The following CADM2 variants were observed in gnomAD, a reference collection of about 807,000 sequenced individuals.
CADM2 encodes cell adhesion molecule 2, also known as immunoglobulin superfamily member 4D.
CADM2 carries 12 observed loss-of-function variants against 49.8 expected under a neutral mutation model. The ratio of observed to expected loss-of-function variants is 0.24; its 90% CI spans 0.15 to 0.39. The LOEUF is 0.39. Ranked by LOEUF, CADM2 falls within the 10% of genes least tolerant of loss-of-function variation. The pLI is 1.00. For synonymous variants in CADM2, 214 were observed against 175.4 expected (o/e 1.22, Z -1.74); for missense variants, 378 against 492.3 (o/e 0.77, Z 2.20).
At chr3:86,020,458 A>C (rs1031719659) in intron 8 of CADM2, among the ~76,000 whole-genome samples, 6 of 152,182 alleles carry the variant, frequency 3.9e-5, no homozygotes, top group African/African-American at 1.4e-4. Flanking sequence ...ATCAATAGAA[A>C]AAGAGGGAAT....
intron 7 of CADM2, among the ~76,000 whole-genome samples, chr3:85,950,902 A>G (rs1159621019): frequency 1.3e-5 from 2 of 151,084 alleles, no homozygotes; most frequent in Non-Finnish European, 3.0e-5. Context: ...CAGCGTTTCA[A>G]TTTACAGTTT....
At chr3:85,569,363 C>T (rs1009761282) in intron 1 of CADM2, among the ~76,000 whole-genome samples, 5 of 149,280 alleles carry the variant, frequency 3.3e-5, no homozygotes, top group Non-Finnish European at 7.5e-5. Flanking sequence ...TGAAGGATAT[C>T]TGGTTTGTTT....
intron 1 of CADM2, among the ~76,000 whole-genome samples, chr3:85,721,855 C>A (rs2107769141): frequency 6.6e-6 from 1 of 152,340 alleles, no homozygotes; most frequent in Non-Finnish European, 1.5e-5. Flanking sequence ...TGTTACAGCT[C>A]TTTTAGCCTC....
chr3:85,350,836 G>T (rs2031268729), intron 1 of CADM2, among the ~76,000 whole-genome samples: 1 of 152,098 alleles, frequency 6.6e-6, no homozygotes, highest in Non-Finnish European at 1.5e-5. Context: ...AATTTTGAAA[G>T]ATGAAATTAT....
At chr3:86,038,945 A>AATAAACATTTAG (rs1735494390) in intron 8 of CADM2, among the ~76,000 whole-genome samples, 2 of 152,194 alleles carry the variant, frequency 1.3e-5, no homozygotes. Flanking sequence ...TCAGTCTTAG[A>AATAAACATTTAG]ATAAACATTT....
intron 8 of CADM2, among the ~76,000 whole-genome samples, chr3:86,021,632 T>C (rs2107047097): frequency 6.6e-6 from 1 of 152,322 alleles, no homozygotes; most frequent in African/African-American, 2.4e-5. Flanking sequence ...TATTGGATTA[T>C]TCTTTCTGTT....
chr3:84,988,582 T>A (rs2032715802), intron 1 of CADM2, among the ~76,000 whole-genome samples: 1 of 152,326 alleles, frequency 6.6e-6, no homozygotes, highest in African/African-American at 2.4e-5. Flanking sequence ...ATTATACAGC[T>A]TGTCTTGGGT....
chr3:85,624,123 A>G (rs1366741829), intron 1 of CADM2, among the ~76,000 whole-genome samples: 1 of 152,180 alleles, frequency 6.6e-6, no homozygotes, highest in Middle Eastern at 3.2e-3. Context: ...ATTAATTCAT[A>G]TAACCATATA....
At chr3:85,922,043 G>A (rs1049683868) in intron 6 of CADM2, among the ~76,000 whole-genome samples, 4 of 152,080 alleles carry the variant, frequency 2.6e-5, no homozygotes, top group Non-Finnish European at 5.9e-5. Context: ...AAGTTGGGTA[G>A]TGTCAGTCCT....
Position 85,809,783 on chromosome 3 carries a change from TCTC to T in CADM2, c.238+7588_238+7590del, listed in dbSNP as rs2072726325. ...CCCTCCCTCTCTCTCTCTCTCTCTC[TCTC>T]TCTCTCTTTCTTTCTTTCTTTCTTT... On this transcript the variant is annotated intron_variant, in intron 3 of 9. Transcript: ENST00000383699. Among the ~76,000 whole-genome samples the T allele has an allele frequency of 5.2e-5, 6 of 114,528 alleles. 2 individuals carry two copies. Among genetic ancestry groups the T allele is most frequent in the African/African-American group, 2.1e-4 (6 of 28,740 alleles). The allele number at this position is 114,528 out of a possible 152,430, so 75.1% of individuals were successfully genotyped here.
intron 8 of CADM2, chr3:86,014,148 G>A (rs1731906469): frequency 7.8e-7 from 1 of 1,285,152 alleles, no homozygotes; most frequent in Non-Finnish European, 1.1e-6. Flanking sequence ...TGAAATTTTG[G>A]TGGAACTCCT....
chr3:85,823,770 G>T (rs1390055235), intron 3 of CADM2, among the ~76,000 whole-genome samples: 1 of 152,062 alleles, frequency 6.6e-6, no homozygotes. Flanking sequence ...CTGAAAAAGT[G>T]GATGACCTTG....
At chr3:85,853,434 G>A (rs901238414) in intron 3 of CADM2, among the ~76,000 whole-genome samples, 1 of 151,818 alleles carries the variant, frequency 6.6e-6, no homozygotes, top group African/African-American at 2.4e-5. Flanking sequence ...AATTATAGGC[G>A]ATTAAGCAAA....
At chr3:85,505,533 C>T (rs2040310694) in intron 1 of CADM2, among the ~76,000 whole-genome samples, 1 of 152,124 alleles carries the variant, frequency 6.6e-6, no homozygotes, top group Non-Finnish European at 1.5e-5. Context: ...CTGATTATAC[C>T]AATTAAATCC....
intron 1 of CADM2, among the ~76,000 whole-genome samples, chr3:85,352,318 A>C (rs2031429982): frequency 6.6e-6 from 1 of 152,164 alleles, no homozygotes; most frequent in African/African-American, 2.4e-5. Context: ...CAGTTGACTT[A>C]AAGTAAGTTG....
At chr3:85,413,506 G>A (rs888395694) in intron 1 of CADM2, among the ~76,000 whole-genome samples, 2 of 152,126 alleles carry the variant, frequency 1.3e-5, no homozygotes, top group African/African-American at 4.8e-5. Context: ...TCATGGTTCT[G>A]CAGGCTGCAG....
chr3:84,994,411 C>T (rs1390156800), intron 1 of CADM2, among the ~76,000 whole-genome samples: 1 of 152,078 alleles, frequency 6.6e-6, no homozygotes, highest in Non-Finnish European at 1.5e-5. Context: ...TCAATATTTG[C>T]AAATCATACA....
chr3:85,032,091 T>A (rs1219549541), intron 1 of CADM2, among the ~76,000 whole-genome samples: 2 of 152,156 alleles, frequency 1.3e-5, no homozygotes, highest in Non-Finnish European at 2.9e-5. Flanking sequence ...TCCCTAATGA[T>A]AAACTGGTCA....
At chr3:85,149,281 C>A (rs953845787) in intron 1 of CADM2, among the ~76,000 whole-genome samples, 11 of 152,046 alleles carry the variant, frequency 7.2e-5, no homozygotes, top group African/African-American at 2.7e-4. Flanking sequence ...ATGAACACAG[C>A]AAGAAGGACC....
Sources: gnomAD v4.1 joint callset for allele counts (sites outside exome capture counted in the v4.1 genomes callset) on GRCh38, gnomAD v4.1.1 for gene constraint, MANE v1.5 for transcripts, NCBI Gene and HGNC (gene_info 2026-07-23, HGNC 2026-07-21) for gene names.